The following MMS19 variants were observed in gnomAD, a reference collection of about 807,000 sequenced individuals.
MMS19 encodes the protein MMS19 cytosolic iron-sulfur assembly component.
Under a neutral mutation model 129.8 loss-of-function variants are expected in MMS19, and 77 were observed. The observed-to-expected ratio is 0.59, with a 90% CI of 0.49 to 0.72. MMS19 has a LOEUF of 0.72. Ranked by LOEUF, MMS19 falls within the 30% of genes least tolerant of loss-of-function variation. The probability of loss-of-function intolerance (pLI) is 0.00; values close to 1 mark genes in which losing one functional copy is unlikely to be tolerated. For synonymous variants in MMS19, 491 were observed against 502.8 expected, an observed-to-expected ratio of 0.98 and a Z score of 0.31; for missense variants, 1,168 against 1,266.3, an observed-to-expected ratio of 0.92 and a Z score of 1.18.
At position 97,458,855 on chromosome 10, in the gene MMS19, G is replaced by A. The variant is rs147688216; in HGVS notation, c.3010C>T (p.Leu1004=). ...CGCACCAGTCTCTTCTTGTCATCCA[G>A]GGGTTTGGCTAAGGCCCGAATCACC... ...PQVIRALAKP[L]DDKKRLVRKE... Residue 1004 remains leucine (L), a synonymous_variant, in exon 30 of 31, where the codon CTG becomes TTG. Transcript: ENST00000438925. 6.6e-5 allele frequency: 106 copies of A among 1,614,018 alleles called. No individual in the cohort carries two copies. The highest frequency in any genetic ancestry group is 3.3e-4 in the Middle Eastern group (2 of 6,062).
At chr10:97,468,895 C>T in intron 12 of MMS19, 71 bp downstream of exon 12, 1 of 1,504,760 alleles carries the variant, frequency 6.6e-7, no homozygotes, top group Non-Finnish European at 8.9e-7. Flanking sequence ...AGGCGTGAGC[C>T]ACCGCACCCA....
chr10:97,470,132 A>G lies in MMS19; in HGVS notation c.843T>C (p.Thr281=). 6.2e-7 allele frequency: 1 copy of G among 1,605,330 alleles called. No individual in the cohort carries two copies. Among genetic ancestry groups the G allele is most frequent in the South Asian group, 1.1e-5 (1 of 89,340 alleles). Residue 281 remains threonine, a synonymous_variant, in exon 10 of 31, where the codon ACT becomes ACC. Transcript: ENST00000438925. The part of the protein sequence containing the change: ...VLSAKLDSLQ[T]LNACCAVYGQ... ...TGCAAGGAGAAAAATCACTCACCAG[A>G]GTCTGTAGAGAATCCAACTTGGCAC...
chr10:97,479,203 G>A lies in MMS19; in HGVS notation c.263-814C>T, dbSNP rs117058638. Among the ~76,000 whole-genome samples the A allele has an allele frequency of 7.4e-3, 1,123 of 152,100 alleles. 43 individuals carry two copies. The highest frequency in any genetic ancestry group is 0.071 in the East Asian group (367 of 5,180). Reference sequence around the variant, plus strand: ...AAACCACTTCATGTGTGTCGGTGTCGTTTTATCTAAACCAGCATGAGGACC... The same window carrying A: ...AAACCACTTCATGTGTGTCGGTGTCATTTTATCTAAACCAGCATGAGGACC... On this transcript the variant is annotated intron_variant, in intron 3 of 30. Coordinates refer to ENST00000438925, the MANE Select transcript of MMS19 (RefSeq NM_022362.5).
Position 97,463,982 on chromosome 10 carries a change from A to G in MMS19, c.1788T>C (p.Ile596=), listed in dbSNP as rs753814087. The G allele has an allele frequency of 6.2e-7, 1 of 1,613,396 alleles. No individual in the cohort carries two copies. Among genetic ancestry groups the G allele is most frequent in the African/African-American group, 1.3e-5 (1 of 75,072 alleles). The part of the protein sequence containing the change: ...GNMVAQSSDV[I]AVCQSLRQMA... ...TCTGTCTGAGGCTCTGACAGACAGC[A>G]ATAACGTCACTGGATTGTGCAACCA... is the stretch of plus-strand genomic sequence containing the variant. The change falls in exon 19 of 31, where the codon ATT becomes ATC. Residue 596 remains isoleucine (I), a synonymous_variant. Transcript: ENST00000438925.
intron 16 of MMS19, among the ~76,000 whole-genome samples, 165 bp from the exon 17 acceptor site, chr10:97,466,324 TAAG>T (rs1480696285): frequency 2.6e-5 from 4 of 152,236 alleles, no homozygotes; most frequent in Non-Finnish European, 5.9e-5. Flanking sequence ...TCTTAAAGCC[TAAG>T]AAGAGAGCAG....
chr10:97,472,706 C>A (rs2034984153), intron 8 of MMS19, among the ~76,000 whole-genome samples: 1 of 151,852 alleles, frequency 6.6e-6, no homozygotes, highest in African/African-American at 2.4e-5. Context: ...GCCTCCCCAG[C>A]CCAAGCCATC....
intron 8 of MMS19, 70 bp downstream of exon 8, chr10:97,476,613 C>A (rs1238333161): frequency 6.8e-7 from 1 of 1,475,506 alleles, no homozygotes; most frequent in Non-Finnish European, 9.4e-7. Flanking sequence ...ACCCTCAGTG[C>A]CCAGAACAGG....
rs1209862065 is a variant in MMS19, at chr10:97,477,892, GAA to G, written c.384_385del (p.Ser129CysfsTer3). 1 of 1,609,454 alleles carries G rather than the reference GAA, an allele frequency of 6.2e-7. No individual in the cohort carries two copies. Among genetic ancestry groups the G allele is most frequent in the Non-Finnish European group, 8.5e-7 (1 of 1,178,200 alleles). On this transcript the variant is annotated frameshift_variant, in exon 5 of 31. Transcript: ENST00000438925. LOFTEE classifies it high-confidence loss of function. ...TTCCTGGAAGATGGCTTTAAGCACA[GAA>G]ACAGCCAGCCCTGGGGGCAGGGCCA...
At chr10:97,464,037 G>A in intron 18 of MMS19, 24 bp from the exon 19 acceptor site, 1 of 1,602,478 alleles carries the variant, frequency 6.2e-7, no homozygotes, top group Non-Finnish European at 8.5e-7. Context: ...AGTGTTCTCT[G>A]TAAGGTTTGC....
intron 1 of MMS19, among the ~76,000 whole-genome samples, 185 bp from the exon 2 acceptor site, chr10:97,484,336 TA>T (rs2037426524): frequency 6.6e-6 from 1 of 152,062 alleles, no homozygotes; most frequent in Non-Finnish European, 1.5e-5. Context: ...CAGCTTTGTA[TA>T]AAAATTGAAA....
Position 97,460,228 on chromosome 10 carries a change from A to G in MMS19, c.2474T>C (p.Met825Thr), listed in dbSNP as rs1486183888. 7 of 1,610,398 alleles carry G rather than the reference A, an allele frequency of 4.3e-6. No homozygotes were observed. The East Asian group carries it at 1.1e-4, about 26-fold the overall frequency. ...TAATTCTGGGTCACTCAGGAGGCCC[A>G]TGAGCTGGAGAAAAAAGAGCCTTTG... ...PLSSCLTARLMGLLSDPELGP... is the reference protein window; with the variant it reads ...PLSSCLTARLTGLLSDPELGP... The change falls in exon 26 of 31, where the codon ATG (methionine) becomes ACG (threonine). Residue 825 changes from methionine to threonine, a missense_variant. Around this residue, in one of 3 missense-constraint regions of MMS19, gnomAD observed 831 missense variants for 910.8 expected, o/e 0.91. Transcript: ENST00000438925.
upstream of MMS19, chr10:97,498,478 C>A (rs780253900): frequency 1.8e-5 from 28 of 1,513,618 alleles, no homozygotes; most frequent in Non-Finnish European, 2.5e-5. Flanking sequence ...CGGGGAAGCG[C>A]AAGGGGGCGG....
At chr10:97,492,690 A>C (rs538268801) in intron 1 of MMS19, among the ~76,000 whole-genome samples, 37 of 151,282 alleles carry the variant, frequency 2.4e-4, no homozygotes, top group Non-Finnish European at 4.0e-4. Flanking sequence ...TTCTACTAAA[A>C]AAAAAAAAAA....
chr10:97,468,922 T>C, intron 12 of MMS19, 44 bp downstream of exon 12: 1 of 1,557,328 alleles, frequency 6.4e-7, no homozygotes, highest in Non-Finnish European at 8.7e-7. Flanking sequence ...GAATGTCGTT[T>C]CTATTGTGCT....
At chr10:97,475,692 G>A (rs1272674) in intron 8 of MMS19, among the ~76,000 whole-genome samples, 2 of 152,192 alleles carry the variant, frequency 1.3e-5, no homozygotes, top group East Asian at 1.9e-4. Context: ...AGTTGAGATC[G>A]CACCACTGCA....
At chr10:97,463,763 A>C in intron 19 of MMS19, 95 bp downstream of exon 19, 1 of 1,108,954 alleles carries the variant, frequency 9.0e-7, no homozygotes, top group South Asian at 1.5e-5. Flanking sequence ...CTGATGGTAC[A>C]AAATACAGTA....
In MMS19 at chr10:97,458,612, T is replaced by G; in HGVS notation, c.*80A>C. Reference sequence around the variant, plus strand: ...GAAAGGCAGTCAGAGACCAGTGGTTTCCCTGCTTTGGGGAAGATGGCTCAA... The same window carrying G: ...GAAAGGCAGTCAGAGACCAGTGGTTGCCCTGCTTTGGGGAAGATGGCTCAA... On this transcript the variant is annotated 3_prime_UTR_variant, in exon 31 of 31. Coordinates refer to ENST00000438925, the MANE Select transcript of MMS19 (RefSeq NM_022362.5). 1.4e-6 allele frequency: 2 copies of G among 1,442,606 alleles called. No homozygotes were observed. The highest frequency in any genetic ancestry group is 1.9e-6 in the Non-Finnish European group (2 of 1,064,688). The allele number at this position is 1,442,606 out of a possible 1,614,324, so 89.4% of individuals were successfully genotyped here.
At chr10:97,480,399 G>C (rs2036574183) in intron 3 of MMS19, 2 of 436,570 alleles carry the variant, frequency 4.6e-6, no homozygotes, top group Non-Finnish European at 9.0e-6. Flanking sequence ...AAAAAAACCA[G>C]GCTATAGTTT....
chr10:97,494,751 C>A (rs948364853), intron 1 of MMS19, among the ~76,000 whole-genome samples: 1 of 152,228 alleles, frequency 6.6e-6, no homozygotes, highest in African/African-American at 2.4e-5. Context: ...CAAAGTATTT[C>A]TTTTCCTCAT....
Sources: allele counts gnomAD v4.1 joint callset (sites outside exome capture counted in the v4.1 genomes callset), GRCh38; gene constraint gnomAD v4.1.1; regional missense constraint gnomAD v4.1.1; transcripts MANE v1.5; gene names NCBI Gene and HGNC (gene_info 2026-07-23, HGNC 2026-07-21).